The following MTMR7 variants were observed in gnomAD, a reference collection of about 807,000 sequenced individuals.
The protein encoded by MTMR7 is myotubularin related protein 7.
In MTMR7, 76 loss-of-function variants were observed where a neutral mutation model predicts 81.2. The observed-to-expected ratio is 0.94, with a 90% CI of 0.78 to 1.13. The LOEUF is 1.13. Ranked by LOEUF, MTMR7 falls within the 50% of genes most tolerant of loss-of-function variation. The pLI is 0.00. For missense variants in MTMR7, 1,044 were observed against 820.0 expected, an observed-to-expected ratio of 1.27 and a Z score of -3.34; for synonymous variants, 372 against 289.8, an observed-to-expected ratio of 1.28 and a Z score of -2.88.
At chr8:17,351,741 G>A (rs1054153927) in intron 4 of MTMR7, among the ~76,000 whole-genome samples, 5 of 152,226 alleles carry the variant, frequency 3.3e-5, no homozygotes, top group African/African-American at 1.2e-4. Context: ...AAGGCATTCT[G>A]ATGAGTACTT....
intron 1 of MTMR7, among the ~76,000 whole-genome samples, chr8:17,395,689 T>C (rs1307239989): frequency 2.0e-5 from 3 of 152,244 alleles, no homozygotes; most frequent in Non-Finnish European, 4.4e-5. Flanking sequence ...ATGTTGGCTA[T>C]CTTTTGATGT....
intron 13 of MTMR7, 83 bp downstream of exon 13, chr8:17,302,071 C>T: frequency 6.4e-7 from 1 of 1,568,708 alleles, no homozygotes; most frequent in Non-Finnish European, 8.7e-7. Flanking sequence ...TTGTATTGCA[C>T]TGAATCTTAA....
chr8:17,364,192 G>A (rs1820150755), intron 3 of MTMR7, among the ~76,000 whole-genome samples: 1 of 151,686 alleles, frequency 6.6e-6, no homozygotes, highest in Non-Finnish European at 1.5e-5. Flanking sequence ...ACCACGCCCG[G>A]CTAATTTTTT....
intron 6 of MTMR7, among the ~76,000 whole-genome samples, chr8:17,338,479 TCTTC>T (rs766166842): frequency 4.9e-4 from 75 of 152,362 alleles, no homozygotes; most frequent in Non-Finnish European, 9.6e-4. Flanking sequence ...CCGTCTTTTC[TCTTC>T]CTTTTCTTAT....
intron 1 of MTMR7, among the ~76,000 whole-genome samples, chr8:17,409,331 G>T (rs755552921): frequency 6.6e-6 from 1 of 152,018 alleles, no homozygotes; most frequent in African/African-American, 2.4e-5. Context: ...GTAGCGGCAC[G>T]TGCTTGTAGC....
intron 6 of MTMR7, among the ~76,000 whole-genome samples, chr8:17,340,521 T>C (rs892450402): frequency 2.0e-5 from 3 of 152,220 alleles, no homozygotes; most frequent in Non-Finnish European, 4.4e-5. Flanking sequence ...CTCTGGGGAC[T>C]TCACTTGTTG....
At chr8:17,376,870 G>GT (rs1419776027) in intron 1 of MTMR7, among the ~76,000 whole-genome samples, 3 of 151,872 alleles carry the variant, frequency 2.0e-5, no homozygotes, top group East Asian at 3.9e-4. Context: ...ATAAATATTT[G>GT]TTTTTTTAAC....
chr8:17,369,611 T>TA (rs1278620307), intron 3 of MTMR7, among the ~76,000 whole-genome samples: 1 of 151,664 alleles, frequency 6.6e-6, no homozygotes, highest in Non-Finnish European at 1.5e-5. Context: ...CCAAGAAACT[T>TA]AGAGTATAGT....
chr8:17,349,916 G>C (rs891038484), intron 4 of MTMR7, among the ~76,000 whole-genome samples: 5 of 152,116 alleles, frequency 3.3e-5, no homozygotes, highest in Admixed American at 6.5e-5. Context: ...CAAACTACAC[G>C]GTGCACTGTG....
At chr8:17,401,855 G>C (rs1382899163) in intron 1 of MTMR7, among the ~76,000 whole-genome samples, 2 of 152,080 alleles carry the variant, frequency 1.3e-5, no homozygotes, top group Non-Finnish European at 2.9e-5. Context: ...GTACCTATTA[G>C]ATATACAAAT....
At chr8:17,325,028 C>T (rs929389508) in intron 7 of MTMR7, among the ~76,000 whole-genome samples, 1 of 152,072 alleles carries the variant, frequency 6.6e-6, no homozygotes, top group Non-Finnish European at 1.5e-5. Flanking sequence ...CTACAAAGGG[C>T]TGAGTCCATC....
intron 5 of MTMR7, among the ~76,000 whole-genome samples, chr8:17,348,068 T>G (rs4921542): frequency 0.2 from 30,364 of 152,096 alleles, 5,550 homozygotes; most frequent in East Asian, 0.71. Context: ...CGCACCCTGG[T>G]AATTTTACGC....
At chr8:17,317,002 A>C (rs1053891042) in intron 7 of MTMR7, among the ~76,000 whole-genome samples, 3 of 152,196 alleles carry the variant, frequency 2.0e-5, no homozygotes, top group African/African-American at 7.2e-5. Flanking sequence ...ATCCCAACTA[A>C]TACTTGGTAA....
chr8:17,370,637 G>A (rs1335273837), intron 3 of MTMR7, among the ~76,000 whole-genome samples: 1 of 150,522 alleles, frequency 6.6e-6, no homozygotes, highest in Non-Finnish European at 1.5e-5. Context: ...CATCAAGAGG[G>A]AGAAAACTGC....
chr8:17,317,123 C>T (rs1818127758), intron 7 of MTMR7, among the ~76,000 whole-genome samples: 1 of 152,106 alleles, frequency 6.6e-6, no homozygotes, highest in South Asian at 2.1e-4. Flanking sequence ...AATTTGCTTG[C>T]TTATATGTGT....
At chr8:17,304,241 C>T in intron 12 of MTMR7, 138 bp downstream of exon 12, 1 of 885,626 alleles carries the variant, frequency 1.1e-6, no homozygotes. Flanking sequence ...ATCAGATATT[C>T]AAGCATCTCC....
chr8:17,413,123 C>G, intron 1 of MTMR7, 146 bp downstream of exon 1: 1 of 913,042 alleles, frequency 1.1e-6, no homozygotes, highest in South Asian at 1.5e-5. Context: ...CCCCGGGATG[C>G]TCAGGCAATG....
chr8:17,379,781 T>C (rs538720453), intron 1 of MTMR7, among the ~76,000 whole-genome samples: 7 of 152,296 alleles, frequency 4.6e-5, no homozygotes, highest in Admixed American at 3.9e-4. Flanking sequence ...TTGGGGTTTT[T>C]TGATTGTTTG....
At chr8:17,384,855 GAA>G in intron 1 of MTMR7, among the ~76,000 whole-genome samples, 1 of 152,272 alleles carries the variant, frequency 6.6e-6, no homozygotes, top group East Asian at 1.9e-4. Flanking sequence ...AAAAACCATT[GAA>G]AGTCTTTTCC....
Sources: allele counts gnomAD v4.1 joint callset (sites outside exome capture counted in the v4.1 genomes callset), GRCh38; gene constraint gnomAD v4.1.1; transcripts MANE v1.5; gene names NCBI Gene and HGNC (gene_info 2026-07-23, HGNC 2026-07-21).